USP32: variants seen among roughly 807,000 people sequenced by gnomAD.
USP32 encodes ubiquitin carboxyl-terminal hydrolase 32.
A neutral mutation model predicts 204.8 loss-of-function variants in USP32; 59 were observed. The observed-to-expected ratio is 0.29, with a 90% confidence interval of 0.23 to 0.36. The LOEUF (loss-of-function observed/expected upper bound fraction) is 0.36. Among genes scored for constraint, USP32 ranks in the 10% least tolerant of loss-of-function variants. The probability of loss-of-function intolerance (pLI) is 1.00; values close to 1 mark genes in which losing one functional copy is unlikely to be tolerated. For synonymous variants in USP32, 517 were observed against 678.4 expected, an observed-to-expected ratio of 0.76 and a Z score of 3.70; for missense variants, 1,160 against 1,946.4, an observed-to-expected ratio of 0.60 and a Z score of 7.60.
chr17:60,181,269 G>A, intron 32 of USP32, 55 bp downstream of exon 32: 1 of 1,551,310 alleles, frequency 6.4e-7, no homozygotes, highest in Non-Finnish European at 8.7e-7. Flanking sequence ...AATACATGAA[G>A]ACAAGTGAAC....
At chr17:60,395,019 G>A (rs2089891147), upstream of USP32, among the ~76,000 whole-genome samples, 1 of 152,146 alleles carries the variant, frequency 6.6e-6, no homozygotes, top group Non-Finnish European at 1.5e-5. Context: ...ACTGGGATTA[G>A]AGGCACGAGC....
intron 1 of USP32, among the ~76,000 whole-genome samples, chr17:60,390,533 A>G (rs1439604174): frequency 6.6e-6 from 1 of 152,218 alleles, no homozygotes; most frequent in Non-Finnish European, 1.5e-5. Context: ...ATACTGTTCC[A>G]CAAGGGAAAA....
At chr17:60,213,994 G>A (rs1466535653) in intron 17 of USP32, among the ~76,000 whole-genome samples, 2 of 151,476 alleles carry the variant, frequency 1.3e-5, no homozygotes, top group East Asian at 3.9e-4. Flanking sequence ...CCAGGCTGGA[G>A]TATAGTGGCA....
At chr17:60,289,512 T>A (rs747054770) in intron 4 of USP32, among the ~76,000 whole-genome samples, 1 of 152,214 alleles carries the variant, frequency 6.6e-6, no homozygotes, top group Non-Finnish European at 1.5e-5. Context: ...AAGGCATCAC[T>A]GAAAACATGT....
At chr17:60,340,560 C>T (rs1480073555) in intron 2 of USP32, among the ~76,000 whole-genome samples, 7 of 152,098 alleles carry the variant, frequency 4.6e-5, no homozygotes, top group African/African-American at 4.8e-5. Context: ...AGCCTATGTA[C>T]GACTTTGCAC....
intron 9 of USP32, 133 bp from the exon 10 acceptor site, chr17:60,255,391 G>C (rs2086275045): frequency 1.7e-6 from 1 of 578,744 alleles, no homozygotes; most frequent in Non-Finnish European, 2.9e-6. Flanking sequence ...TCGGCCTCCT[G>C]GGTGCAAGCG....
chr17:60,359,040 T>C (rs926007290), intron 1 of USP32, among the ~76,000 whole-genome samples: 2 of 152,214 alleles, frequency 1.3e-5, no homozygotes, highest in African/African-American at 4.8e-5. Flanking sequence ...TTATGTTCAC[T>C]GCTACTGTCC....
chr17:60,342,435 C>T (rs1017494728), intron 2 of USP32, among the ~76,000 whole-genome samples: 1 of 152,242 alleles, frequency 6.6e-6, no homozygotes, highest in Admixed American at 6.5e-5. Flanking sequence ...AAATGCCATG[C>T]CGGGAGAGCC....
intron 2 of USP32, among the ~76,000 whole-genome samples, chr17:60,305,889 C>T (rs2087710521): frequency 6.6e-6 from 1 of 152,130 alleles, no homozygotes; most frequent in African/African-American, 2.4e-5. Flanking sequence ...TGCTACCTCC[C>T]TATCGCTCCC....
chr17:60,207,918 A>ATT, intron 24 of USP32, 141 bp downstream of exon 24: 1 of 1,430,646 alleles, frequency 7.0e-7, no homozygotes. Flanking sequence ...AAAACTTGGC[A>ATT]TTTTTTGTTG....
At chr17:60,406,093 G>T in intron 1 of USP32, among the ~76,000 whole-genome samples, 1 of 148,570 alleles carries the variant, frequency 6.7e-6, no homozygotes, top group Admixed American at 6.8e-5. Flanking sequence ...GGAGGTCAAG[G>T]CTGCAGAGAG....
At chr17:60,412,413 G>T (rs2090025635) in intron 1 of USP32, among the ~76,000 whole-genome samples, 1 of 151,710 alleles carries the variant, frequency 6.6e-6, no homozygotes. Flanking sequence ...AATGGGGGCG[G>T]TGGGGCGGGG....
At position 60,317,403 on chromosome 17, in the gene USP32, C is replaced by T. The variant is rs190244175; in HGVS notation, c.187-15699G>A. On this transcript the variant is annotated intron_variant, in intron 2 of 33. Transcript: ENST00000300896. The stretch of plus-strand genomic sequence containing the variant: ...TGGTGATGCATGCCTGTAGTACCAG[C>T]GACTCGGGAGGCTGAGCTGGGAGGA... 4.1e-4 allele frequency among the ~76,000 whole-genome samples: 62 copies of T among 150,278 alleles called. 1 individual carries two copies. Among genetic ancestry groups the T allele is most frequent in the Admixed American group, 1.1e-3 (16 of 15,056 alleles).
intron 13 of USP32, among the ~76,000 whole-genome samples, chr17:60,224,040 T>C (rs1390052605): frequency 6.6e-6 from 1 of 152,220 alleles, no homozygotes; most frequent in African/African-American, 2.4e-5. Context: ...GGGGGCTAGA[T>C]CCTATTGTAT....
chr17:60,221,556 G>A (rs1209391976), intron 15 of USP32, among the ~76,000 whole-genome samples: 1 of 150,288 alleles, frequency 6.7e-6, no homozygotes, highest in Non-Finnish European at 1.5e-5. Context: ...CCAGGCAGGA[G>A]TGCAATGGTG....
intron 5 of USP32, among the ~76,000 whole-genome samples, chr17:60,279,542 G>T (rs1310739383): frequency 6.6e-6 from 1 of 150,786 alleles, no homozygotes; most frequent in Non-Finnish European, 1.5e-5. Context: ...AATAAAATCT[G>T]AAGTATTTAA....
intron 8 of USP32, among the ~76,000 whole-genome samples, chr17:60,265,760 T>C (rs1355130070): frequency 3.9e-5 from 6 of 152,228 alleles, no homozygotes; most frequent in African/African-American, 1.2e-4. Context: ...AAGATAACTT[T>C]CCTATGGTTT....
At chr17:60,417,322 G>A (rs1416645423) in intron 1 of USP32, among the ~76,000 whole-genome samples, 1 of 151,880 alleles carries the variant, frequency 6.6e-6, no homozygotes, top group East Asian at 1.9e-4. Flanking sequence ...TTTATGTTCT[G>A]TATTTTTGGT....
rs1228412209 is a variant in USP32, at chr17:60,209,547, T to C, written c.2425-4A>G. On this transcript the variant is annotated splice_polypyrimidine_tract_variant and splice_region_variant and intron_variant, in intron 21 of 33. Coordinates refer to ENST00000300896, the MANE Select transcript of USP32 (RefSeq NM_032582.4). ...GAGCATATTTTGCTATGGTCCACTA[T>C]AAATATAAGAGAAGTCACAGTCATT... The C allele has an allele frequency of 6.4e-7, 1 of 1,569,420 alleles. No homozygotes were observed.
Sources: gnomAD v4.1 joint callset for allele counts (sites outside exome capture counted in the v4.1 genomes callset) on GRCh38, gnomAD v4.1.1 for gene constraint, MANE v1.5 for transcripts, NCBI Gene and HGNC (gene_info 2026-07-23, HGNC 2026-07-21) for gene names.